The following RNF13 variants were observed in gnomAD, a reference collection of about 807,000 sequenced individuals.
RNF13 encodes E3 ubiquitin-protein ligase RNF13.
RNF13 carries 19 observed loss-of-function variants against 37.7 expected under a neutral mutation model. That is an observed-to-expected ratio of 0.50 (90% CI 0.35 to 0.74). The LOEUF (loss-of-function observed/expected upper bound fraction) is 0.74, where lower values mean the gene tolerates loss of function less well. RNF13 is among the 30% of genes least tolerant of loss of function. The pLI is 0.01. For missense variants in RNF13, 375 were observed against 453.0 expected (o/e 0.83, Z 1.56); for synonymous variants, 144 against 157.8 (o/e 0.91, Z 0.65).
intron 3 of RNF13, among the ~76,000 whole-genome samples, chr3:149,862,080 G>A (rs1724314712): frequency 6.6e-6 from 1 of 151,814 alleles, no homozygotes; most frequent in Non-Finnish European, 1.5e-5. Flanking sequence ...AAAAAAATTG[G>A]CAATATGTTG....
chr3:149,896,852 T>G (rs1715325088), intron 5 of RNF13, among the ~76,000 whole-genome samples: 1 of 152,140 alleles, frequency 6.6e-6, no homozygotes, highest in African/African-American at 2.4e-5. Flanking sequence ...ATTAATACAT[T>G]TCTTAATTTC....
In RNF13 at chr3:149,953,352, A is replaced by G. The variant is rs539809582; in HGVS notation, c.701-6704A>G. On this transcript the variant is annotated intron_variant, in intron 8 of 9. Transcript: ENST00000392894. ...GCGCAGGCACTATCATCTCACCATC[A>G]GAATATATAAGAAATGTTTGACCTT... Among the ~76,000 whole-genome samples the G allele has an allele frequency of 1.7e-3, 264 of 152,364 alleles. 1 individual carries two copies. Among genetic ancestry groups the G allele is most frequent in the African/African-American group, 6.0e-3 (248 of 41,584 alleles).
At chr3:149,878,293 T>C (rs1192798134) in intron 4 of RNF13, among the ~76,000 whole-genome samples, 2 of 152,130 alleles carry the variant, frequency 1.3e-5, no homozygotes, top group Admixed American at 6.5e-5. Context: ...AAATGAACGA[T>C]GTCTAGGTAA....
chr3:149,880,027 G>A (rs1434183685), intron 4 of RNF13, among the ~76,000 whole-genome samples: 4 of 152,162 alleles, frequency 2.6e-5, no homozygotes, highest in Admixed American at 1.3e-4. Flanking sequence ...TACAATACCA[G>A]AAACAATTAA....
chr3:149,949,638 TCTTCTC>T (rs1170816690), intron 8 of RNF13, among the ~76,000 whole-genome samples: 1 of 152,016 alleles, frequency 6.6e-6, no homozygotes, highest in Non-Finnish European at 1.5e-5. Context: ...CCCCTTTCTT[TCTTCTC>T]CTTCTGAGGT....
At chr3:149,814,463 G>A (rs1018018737) in intron 1 of RNF13, 2 of 152,208 alleles carry the variant, frequency 1.3e-5, no homozygotes, top group African/African-American at 4.8e-5. Flanking sequence ...AAGAAGTGTA[G>A]TGCAGTGCTG....
intron 3 of RNF13, among the ~76,000 whole-genome samples, chr3:149,853,455 GGAGAGAGAGA>G (rs397842025): frequency 0.14 from 16,765 of 117,236 alleles, 1,074 homozygotes; most frequent in Middle Eastern, 0.22. Context: ...AGAGAGAGAG[GGAGAGAGAGA>G]GAGAGAGAGA....
At position 149,895,768 on chromosome 3, in the gene RNF13, T is replaced by C. The variant is rs576515475; in HGVS notation, c.409+208T>C. On this transcript the variant is annotated intron_variant, in intron 5 of 9. Transcript: ENST00000392894. ...TGAACAGTTTTTTTTTAAACATATA[T>C]GTTTTATTTATTGATATTTTGTTAA... Among the ~76,000 whole-genome samples, 3 of 152,166 alleles carry C rather than the reference T, an allele frequency of 2.0e-5. 1 individual carries two copies. The South Asian group carries it at 6.2e-4, about 32-fold the overall frequency.
intron 4 of RNF13, among the ~76,000 whole-genome samples, chr3:149,886,797 T>C (rs1479155886): frequency 2.0e-5 from 3 of 152,346 alleles, no homozygotes; most frequent in African/African-American, 7.2e-5. Context: ...ACTTTTATCA[T>C]GAAAGGATAT....
chr3:149,846,203 C>T, intron 2 of RNF13, 63 bp downstream of exon 2: 1 of 1,078,922 alleles, frequency 9.3e-7, no homozygotes, highest in Non-Finnish European at 1.4e-6. Flanking sequence ...TAAAAAAAGC[C>T]TGGAATGATA....
chr3:149,892,938 A>G (rs1379719082), intron 4 of RNF13, among the ~76,000 whole-genome samples: 1 of 152,198 alleles, frequency 6.6e-6, no homozygotes, highest in African/African-American at 2.4e-5. Flanking sequence ...ATATAGGTAC[A>G]TGTGGCATAG....
intron 2 of RNF13, among the ~76,000 whole-genome samples, chr3:149,850,232 G>A (rs550662462): frequency 5.9e-5 from 9 of 152,082 alleles, no homozygotes; most frequent in South Asian, 4.2e-4. Context: ...TGCCCACCTC[G>A]GCCTCCCAAA....
chr3:149,923,623 G>A (rs556840230), intron 8 of RNF13, among the ~76,000 whole-genome samples: 189 of 151,892 alleles, frequency 1.2e-3, no homozygotes, highest in African/African-American at 4.2e-3. Context: ...AAAATTAGCC[G>A]GGTGTGGTGG....
intron 4 of RNF13, among the ~76,000 whole-genome samples, chr3:149,886,969 A>G (rs1714104281): frequency 6.6e-6 from 1 of 152,134 alleles, no homozygotes; most frequent in African/African-American, 2.4e-5. Flanking sequence ...GAATTTCCCA[A>G]ATTTCCTTCT....
chr3:149,922,461 A>G (rs1718238970), intron 8 of RNF13, among the ~76,000 whole-genome samples: 1 of 152,234 alleles, frequency 6.6e-6, no homozygotes, highest in Non-Finnish European at 1.5e-5. Context: ...CAGAGAATTT[A>G]AAAACAATAA....
rs879035105 is a variant in RNF13 at position 149,961,438 on chromosome 3, T to C, written c.*334T>C. The C allele has an allele frequency of 3.0e-4, 137 of 460,124 alleles. No homozygotes were observed. Among genetic ancestry groups the C allele is most frequent in the Admixed American group, 3.9e-4 (15 of 38,614 alleles). 28.5% of individuals were successfully genotyped at this position (460,124 alleles called of 1,614,324 possible). A position where few individuals can be genotyped will look rare whatever the true frequency, so the allele number is the denominator to read the frequency against. On this transcript the variant is annotated 3_prime_UTR_variant, in exon 10 of 10. Coordinates refer to ENST00000392894, the MANE Select transcript of RNF13 (RefSeq NM_183381.3). ...ATTTAAGTGTTTTGCGTTTTATACA[T>C]GAGGTCAGTGCTACAGCCACCTAGC...
At chr3:149,895,767 A>G (rs1276675215) in intron 5 of RNF13, among the ~76,000 whole-genome samples, 3 of 152,046 alleles carry the variant, frequency 2.0e-5, no homozygotes, top group African/African-American at 7.2e-5. Flanking sequence ...TTAAACATAT[A>G]TGTTTTATTT....
intron 3 of RNF13, among the ~76,000 whole-genome samples, chr3:149,854,359 A>G (rs1723438810): frequency 6.6e-6 from 1 of 152,176 alleles, no homozygotes; most frequent in Non-Finnish European, 1.5e-5. Context: ...CCCTCTTCAG[A>G]GTTAAATATT....
At chr3:149,866,089 C>G (rs977713371) in intron 3 of RNF13, among the ~76,000 whole-genome samples, 1 of 151,702 alleles carries the variant, frequency 6.6e-6, no homozygotes, top group African/African-American at 2.4e-5. Flanking sequence ...GTCATGACAT[C>G]TATAAACTGT....
Sources: allele counts gnomAD v4.1 joint callset (sites outside exome capture counted in the v4.1 genomes callset), GRCh38; gene constraint gnomAD v4.1.1; transcripts MANE v1.5; gene names NCBI Gene and HGNC (gene_info 2026-07-23, HGNC 2026-07-21).